SWT1: variants seen among roughly 807,000 people sequenced by gnomAD.
SWT1 encodes the protein SWT1 RNA endoribonuclease homolog.
A neutral mutation model predicts 107.3 loss-of-function variants in SWT1; 33 were observed. That is an observed-to-expected ratio of 0.31 (90% CI 0.23 to 0.41). The LOEUF is 0.41. SWT1 is among the 10% of genes least tolerant of loss of function. The pLI is 1.00. For synonymous variants in SWT1, 345 were observed against 348.3 expected, an observed-to-expected ratio of 0.99 and a Z score of 0.11; for missense variants, 898 against 1,028.9, an observed-to-expected ratio of 0.87 and a Z score of 1.74.
chr1:185,172,069 G>GTTA (rs1279905695), intron 4 of SWT1, among the ~76,000 whole-genome samples: 1 of 152,106 alleles, frequency 6.6e-6, no homozygotes. Context: ...CCTAATTAAG[G>GTTA]GTAAAGACTC....
Position 185,273,133 on chromosome 1 carries a change from C to T in SWT1, c.2508+1744C>T, listed in dbSNP as rs188682007. ...AGTCAGCCTTAATTTGGCTGAGCGC[C>T]GTGGCTCACAGCTATAATCTCAGCA... On this transcript the variant is annotated intron_variant, in intron 17 of 18. Transcript: ENST00000367500. Among the ~76,000 whole-genome samples the T allele has an allele frequency of 7.9e-5, 12 of 152,088 alleles. No individual in the cohort carries two copies. In the South Asian group the frequency reaches 8.3e-4, roughly 11 times the overall value.
At chr1:185,189,310 T>C (rs779324571) in intron 9 of SWT1, among the ~76,000 whole-genome samples, 14 of 152,118 alleles carry the variant, frequency 9.2e-5, no homozygotes, top group Non-Finnish European at 1.3e-4. Flanking sequence ...AAACTGAATT[T>C]TTGCTACATG....
intron 10 of SWT1, among the ~76,000 whole-genome samples, chr1:185,194,814 T>C (rs1657248471): frequency 6.6e-6 from 1 of 152,160 alleles, no homozygotes; most frequent in East Asian, 1.9e-4. Context: ...CTTTAACATA[T>C]TAATAAAAAT....
chr1:185,235,960 A>G (rs1483835043), intron 16 of SWT1, among the ~76,000 whole-genome samples: 1 of 152,210 alleles, frequency 6.6e-6, no homozygotes, highest in East Asian at 1.9e-4. Context: ...TACAAAGACA[A>G]TAAAATACCT....
chr1:185,237,847 C>T (rs1447697531), intron 16 of SWT1, among the ~76,000 whole-genome samples: 3 of 152,044 alleles, frequency 2.0e-5, no homozygotes, highest in Admixed American at 2.0e-4. Flanking sequence ...GCATGTATTG[C>T]TTACATAAGC....
At chr1:185,224,283 C>T (rs976364068) in intron 15 of SWT1, among the ~76,000 whole-genome samples, 3 of 152,038 alleles carry the variant, frequency 2.0e-5, no homozygotes, top group Admixed American at 1.3e-4. Flanking sequence ...TATTCTGTTC[C>T]GTTGGTTTAT....
intron 18 of SWT1, among the ~76,000 whole-genome samples, chr1:185,283,522 A>T (rs1664767694): frequency 6.6e-6 from 1 of 152,016 alleles, no homozygotes; most frequent in Non-Finnish European, 1.5e-5. Flanking sequence ...AAGTGTTTTG[A>T]CATGTTTGTT....
intron 14 of SWT1, among the ~76,000 whole-genome samples, chr1:185,218,969 G>C (rs148371550): frequency 6.4e-4 from 97 of 152,228 alleles, no homozygotes; most frequent in African/African-American, 2.0e-3. Context: ...ATCCACTTGC[G>C]TAGTATATAC....
At chr1:185,286,581 T>C (rs1215270382) in intron 18 of SWT1, among the ~76,000 whole-genome samples, 1 of 152,174 alleles carries the variant, frequency 6.6e-6, no homozygotes, top group Non-Finnish European at 1.5e-5. Context: ...TTATTATTTT[T>C]GATGCTATCA....
At chr1:185,174,098 A>G (rs914908093) in intron 4 of SWT1, among the ~76,000 whole-genome samples, 1 of 152,180 alleles carries the variant, frequency 6.6e-6, no homozygotes, top group Non-Finnish European at 1.5e-5. Context: ...CAAAATTATT[A>G]TGATAATAAT....
At chr1:185,227,498 G>A (rs1347245021) in intron 15 of SWT1, 5 of 553,652 alleles carry the variant, frequency 9.0e-6, no homozygotes, top group East Asian at 3.9e-5. Context: ...CTCTCTATAC[G>A]AGCAGAAGCA....
chr1:185,158,075 C>T (rs1371841904), intron 1 of SWT1, among the ~76,000 whole-genome samples: 2 of 152,204 alleles, frequency 1.3e-5, no homozygotes, highest in Non-Finnish European at 2.9e-5. Flanking sequence ...CCAATTTAGT[C>T]TCAAGAACAA....
At chr1:185,277,198 C>G (rs1019535212) in intron 18 of SWT1, among the ~76,000 whole-genome samples, 2 of 152,186 alleles carry the variant, frequency 1.3e-5, no homozygotes, top group South Asian at 4.1e-4. Context: ...GGGAAAAGTA[C>G]TGTTCACTTT....
At chr1:185,220,429 G>C (rs1259816496) in intron 14 of SWT1, among the ~76,000 whole-genome samples, 1 of 151,740 alleles carries the variant, frequency 6.6e-6, no homozygotes, top group Admixed American at 6.6e-5. Context: ...GCACTTGGTG[G>C]TGTCTATCCT....
intron 16 of SWT1, among the ~76,000 whole-genome samples, chr1:185,253,738 G>T (rs541008851): frequency 6.6e-6 from 1 of 151,208 alleles, no homozygotes; most frequent in East Asian, 2.0e-4. Context: ...GGGACAATTT[G>T]ACTTCTCTTT....
At chr1:185,240,151 G>A (rs1348252709) in intron 16 of SWT1, among the ~76,000 whole-genome samples, 2 of 151,900 alleles carry the variant, frequency 1.3e-5, no homozygotes, top group African/African-American at 2.4e-5. Flanking sequence ...TAAGAAGGAG[G>A]GTGAAGGTGA....
chr1:185,213,317 A>G (rs990605575), intron 13 of SWT1, among the ~76,000 whole-genome samples: 1 of 152,182 alleles, frequency 6.6e-6, no homozygotes, highest in African/African-American at 2.4e-5. Context: ...ACCCACAGGA[A>G]TTTAAACTAG....
intron 13 of SWT1, among the ~76,000 whole-genome samples, chr1:185,209,167 T>C (rs536710046): frequency 1.3e-5 from 2 of 152,242 alleles, no homozygotes; most frequent in Non-Finnish European, 2.9e-5. Flanking sequence ...TGTTGTTATC[T>C]CAGAAATGCA....
intron 17 of SWT1, among the ~76,000 whole-genome samples, chr1:185,275,558 T>C (rs1285598442): frequency 6.6e-6 from 1 of 151,258 alleles, no homozygotes; most frequent in Non-Finnish European, 1.5e-5. Context: ...ATAATTTTTC[T>C]TTTTTTAAAT....
Sources: gnomAD v4.1 joint callset for allele counts (sites outside exome capture counted in the v4.1 genomes callset) on GRCh38, gnomAD v4.1.1 for gene constraint, MANE v1.5 for transcripts, NCBI Gene and HGNC (gene_info 2026-07-23, HGNC 2026-07-21) for gene names.